Variants in PDE1A observed in about 807,000 individuals in gnomAD.
PDE1A encodes the protein dual specificity calcium/calmodulin-dependent 3',5'-cyclic nucleotide phosphodiesterase 1A.
A neutral mutation model predicts 61.7 loss-of-function variants in PDE1A; 35 were observed. The observed-to-expected ratio is 0.57, with a 90% confidence interval of 0.43 to 0.75. The LOEUF is 0.75. Ranked by LOEUF, PDE1A falls within the 30% of genes least tolerant of loss-of-function variation. The pLI is 0.00. For missense variants in PDE1A, 597 were observed against 630.6 expected, an observed-to-expected ratio of 0.95 and a Z score of 0.57; for synonymous variants, 232 against 213.2, an observed-to-expected ratio of 1.09 and a Z score of -0.77.
At chr2:182,659,009 A>C in the PDE1A span, among the ~76,000 whole-genome samples, 1 of 152,190 alleles carries the variant, frequency 6.6e-6, no homozygotes, top group Non-Finnish European at 1.5e-5. Flanking sequence ...CTCATTTCTT[A>C]CTACACTCTT....
chr2:182,523,442 T>C (rs74389710), upstream of PDE1A, among the ~76,000 whole-genome samples: 4 of 152,246 alleles, frequency 2.6e-5, no homozygotes, highest in African/African-American at 7.2e-5. Flanking sequence ...CGAGCTTTCT[T>C]TGAAACAAGC....
the PDE1A span, among the ~76,000 whole-genome samples, chr2:182,565,367 G>A: frequency 9.9e-5 from 15 of 152,174 alleles, no homozygotes; most frequent in East Asian, 2.1e-3. Context: ...GCAGAACAGC[G>A]GATTTTTGTG....
At chr2:182,664,877 CTT>C in the PDE1A span, among the ~76,000 whole-genome samples, 763 of 152,248 alleles carry the variant, frequency 5.0e-3, 6 homozygotes, top group Non-Finnish European at 8.5e-3. Flanking sequence ...AATAGTATCT[CTT>C]TTTCATTCTC....
the PDE1A span, among the ~76,000 whole-genome samples, chr2:182,625,917 AAAGAG>A: frequency 2.0e-5 from 3 of 152,172 alleles, no homozygotes; most frequent in African/African-American, 7.2e-5. Context: ...GAGAAAAACA[AAAGAG>A]AAGACAGGGA....
chr2:182,479,162 G>A (rs1373191080), intron 2 of PDE1A, among the ~76,000 whole-genome samples: 1 of 151,808 alleles, frequency 6.6e-6, no homozygotes, highest in Non-Finnish European at 1.5e-5. Context: ...CATGTTTATA[G>A]AGCAGTCTAT....
the PDE1A span, among the ~76,000 whole-genome samples, chr2:182,666,416 G>A: frequency 1.3e-5 from 2 of 152,066 alleles, no homozygotes; most frequent in East Asian, 1.9e-4. Context: ...TCAGGAGTTC[G>A]AGACCAGCCT....
chr2:182,589,411 C>T, the PDE1A span, among the ~76,000 whole-genome samples: 4 of 151,490 alleles, frequency 2.6e-5, no homozygotes, highest in Admixed American at 2.0e-4. Flanking sequence ...ATTCCCTAGC[C>T]CAAAAGATCA....
chr2:182,551,606 T>C, the PDE1A span, among the ~76,000 whole-genome samples: 1 of 152,128 alleles, frequency 6.6e-6, no homozygotes, highest in African/African-American at 2.4e-5. Context: ...AATGCCCTCT[T>C]GTGAGAGACC....
At chr2:182,192,421 T>C (rs946291343) in intron 10 of PDE1A, among the ~76,000 whole-genome samples, 2 of 152,054 alleles carry the variant, frequency 1.3e-5, no homozygotes, top group African/African-American at 2.4e-5. Context: ...ATAAAGGCCA[T>C]GAGTGCAAGA....
At chr2:182,639,196 A>T in the PDE1A span, among the ~76,000 whole-genome samples, 1 of 152,224 alleles carries the variant, frequency 6.6e-6, no homozygotes, top group African/African-American at 2.4e-5. Flanking sequence ...AAAATACAAG[A>T]AGGCAAAAGA....
chr2:182,629,720 G>C, the PDE1A span, among the ~76,000 whole-genome samples: 2 of 152,106 alleles, frequency 1.3e-5, no homozygotes, highest in Non-Finnish European at 2.9e-5. Context: ...ATGTTCATTG[G>C]TGCTATTATT....
Position 182,202,395 on chromosome 2 carries a change from G to C in PDE1A, c.903-606C>G, listed in dbSNP as rs563698361. On this transcript the variant is annotated intron_variant, in intron 8 of 13. Transcript: ENST00000351439. ...ATTCAGCAAGGCACTGAACTGTAAG[G>C]ATTAAATGTCTTCATATAATACCGA... Among the ~76,000 whole-genome samples, 5 of 152,156 alleles carry C rather than the reference G, an allele frequency of 3.3e-5. No individual in the cohort carries two copies. The East Asian group carries it at 9.6e-4, about 29-fold the overall frequency.
At chr2:182,456,219 C>G (rs1685909849) in intron 2 of PDE1A, among the ~76,000 whole-genome samples, 1 of 152,028 alleles carries the variant, frequency 6.6e-6, no homozygotes, top group Admixed American at 6.6e-5. Context: ...TACCAGGGAA[C>G]TTATCAGCCA....
chr2:182,439,059 G>A (rs551663912), intron 2 of PDE1A, among the ~76,000 whole-genome samples: 6 of 152,042 alleles, frequency 3.9e-5, no homozygotes. Flanking sequence ...TGCATAATAA[G>A]GTGTACTGAA....
chr2:182,205,029 T>C (rs1366301211), intron 8 of PDE1A, among the ~76,000 whole-genome samples: 1 of 152,226 alleles, frequency 6.6e-6, no homozygotes, highest in Admixed American at 6.5e-5. Flanking sequence ...GTTTTTATTG[T>C]CACTTTCCTT....
At chr2:182,702,520 G>A in the PDE1A span, among the ~76,000 whole-genome samples, 1 of 152,116 alleles carries the variant, frequency 6.6e-6, no homozygotes, top group Non-Finnish European at 1.5e-5. Context: ...GTGAGGGAGA[G>A]GAGAAATGCA....
At chr2:182,179,761 C>T (rs924958360) in intron 13 of PDE1A, among the ~76,000 whole-genome samples, 1 of 152,124 alleles carries the variant, frequency 6.6e-6, no homozygotes, top group Non-Finnish European at 1.5e-5. Flanking sequence ...CTACTTTGTG[C>T]CAGTCTCTGT....
intron 1 of PDE1A, among the ~76,000 whole-genome samples, chr2:182,300,936 C>T (rs1035319946): frequency 3.3e-5 from 5 of 152,248 alleles, no homozygotes; most frequent in South Asian, 2.1e-4. Flanking sequence ...TAATCAGAGA[C>T]GAACTTGCAA....
At chr2:182,201,451 C>A in exon 10 of PDE1A, 1 of 1,613,782 alleles carries the variant, frequency 6.2e-7, no homozygotes, top group Non-Finnish European at 8.5e-7. Flanking sequence ...GCAGGAAAAA[C>A]TCCTCCATTA....
Sources: allele counts gnomAD v4.1 joint callset (sites outside exome capture counted in the v4.1 genomes callset), GRCh38; gene constraint gnomAD v4.1.1; transcripts MANE v1.5; gene names NCBI Gene and HGNC (gene_info 2026-07-23, HGNC 2026-07-21).